TASP1: variants seen among roughly 807,000 people sequenced by gnomAD.
TASP1 encodes the protein taspase 1, also known as threonine aspartase 1.
Under a neutral mutation model 56.6 loss-of-function variants are expected in TASP1, and 16 were observed. The observed-to-expected ratio is 0.28, with a 90% CI of 0.19 to 0.43. The LOEUF (loss-of-function observed/expected upper bound fraction) is 0.43, where lower values mean the gene tolerates loss of function less well. Among genes scored for constraint, TASP1 ranks in the 20% least tolerant of loss-of-function variants. The pLI is 1.00. For synonymous variants in TASP1, 179 were observed against 184.2 expected (o/e 0.97, Z 0.23); for missense variants, 393 against 511.6 (o/e 0.77, Z 2.24).
At chr20:13,237,830 G>A in the TASP1 span, 1 of 152,226 alleles carries the variant, frequency 6.6e-6, no homozygotes, top group African/African-American at 2.4e-5. Flanking sequence ...GCTCCCTGAT[G>A]TGCGTACTAT....
At chr20:13,585,009 GA>G (rs200001923) in intron 5 of TASP1, among the ~76,000 whole-genome samples, 11 of 151,582 alleles carry the variant, frequency 7.3e-5, no homozygotes, top group South Asian at 2.1e-4. Flanking sequence ...AAGAATGGGG[GA>G]AAAAAAAGTA....
the TASP1 span, among the ~76,000 whole-genome samples, chr20:13,336,790 TA>T: frequency 3.9e-5 from 6 of 152,094 alleles, no homozygotes; most frequent in Admixed American, 2.0e-4. Flanking sequence ...TGAGTATCAC[TA>T]AAGATAAAAA....
chr20:13,253,218 T>G, the TASP1 span, among the ~76,000 whole-genome samples: 2 of 152,156 alleles, frequency 1.3e-5, no homozygotes, highest in African/African-American at 4.8e-5. Context: ...TTTTTGATCT[T>G]CTCACCCTGC....
chr20:13,411,103 C>T (rs1267801076), intron 13 of TASP1, among the ~76,000 whole-genome samples: 2 of 152,082 alleles, frequency 1.3e-5, no homozygotes, highest in South Asian at 2.1e-4. Flanking sequence ...CCCCAATGTA[C>T]GTTCTTAGAG....
chr20:13,563,812 A>C (rs2046428276), intron 7 of TASP1, among the ~76,000 whole-genome samples: 1 of 152,100 alleles, frequency 6.6e-6, no homozygotes, highest in Admixed American at 6.5e-5. Flanking sequence ...GCATGATCAT[A>C]AATTGATGCA....
the TASP1 span, among the ~76,000 whole-genome samples, chr20:13,133,292 C>T: frequency 6.6e-6 from 1 of 152,292 alleles, no homozygotes; most frequent in Non-Finnish European, 1.5e-5. Context: ...GCATGACATG[C>T]TTGCTGCATT....
At chr20:13,370,116 G>A in the TASP1 span, among the ~76,000 whole-genome samples, 1 of 152,084 alleles carries the variant, frequency 6.6e-6, no homozygotes, top group Non-Finnish European at 1.5e-5. Flanking sequence ...TCAACACAAA[G>A]ATAAGAGAAT....
At chr20:13,550,092 T>C (rs1401779142) in intron 8 of TASP1, among the ~76,000 whole-genome samples, 3 of 151,592 alleles carry the variant, frequency 2.0e-5, no homozygotes, top group Admixed American at 6.6e-5. Flanking sequence ...CTCCTAGGTA[T>C]TGAATCTTTA....
chr20:13,230,997 G>A, the TASP1 span, among the ~76,000 whole-genome samples: 1 of 152,160 alleles, frequency 6.6e-6, no homozygotes, highest in African/African-American at 2.4e-5. Flanking sequence ...ACTTGATAAT[G>A]TACCCTTCTG....
chr20:13,152,851 A>T, the TASP1 span, among the ~76,000 whole-genome samples: 1 of 152,162 alleles, frequency 6.6e-6, no homozygotes, highest in Non-Finnish European at 1.5e-5. Context: ...TTTCTCTAAG[A>T]AGGGACCAGA....
chr20:13,618,522 T>C (rs2048601799), intron 4 of TASP1, among the ~76,000 whole-genome samples: 1 of 152,082 alleles, frequency 6.6e-6, no homozygotes, highest in Admixed American at 6.5e-5. Flanking sequence ...CATACCAAAA[T>C]ATCAGTCACC....
At chr20:13,539,966 C>T (rs1379307918) in intron 8 of TASP1, among the ~76,000 whole-genome samples, 1 of 92,546 alleles carries the variant, frequency 1.1e-5, no homozygotes, top group East Asian at 2.9e-4. Context: ...AGAGATCACA[C>T]GAATACTCAT....
At chr20:13,152,240 T>G in the TASP1 span, among the ~76,000 whole-genome samples, 1 of 152,190 alleles carries the variant, frequency 6.6e-6, no homozygotes, top group Non-Finnish European at 1.5e-5. Flanking sequence ...CTAATTTGGT[T>G]GTTGTGATGA....
chr20:13,550,726 T>TC lies in TASP1; in HGVS notation c.675+8281dup, dbSNP rs1051119094. Among the ~76,000 whole-genome samples, 27 of 152,116 alleles carry TC rather than the reference T, an allele frequency of 1.8e-4. No individual in the cohort carries two copies. In the East Asian group the frequency reaches 5.0e-3, roughly 28 times the overall value. On this transcript the variant is annotated intron_variant, in intron 8 of 13. Coordinates refer to ENST00000337743, the MANE Select transcript of TASP1 (RefSeq NM_017714.3). ...TCCTGCACTCTTAATACTCTAAGAG[T>TC]CCCTTCCAGTCACATCCAGGGCTGG...
intron 12 of TASP1, among the ~76,000 whole-genome samples, chr20:13,433,706 A>T (rs978794762): frequency 1.3e-5 from 2 of 152,024 alleles, no homozygotes; most frequent in African/African-American, 4.8e-5. Flanking sequence ...TTTATAAACT[A>T]TGAAGGGACG....
intron 8 of TASP1, among the ~76,000 whole-genome samples, chr20:13,544,860 C>G (rs1022393842): frequency 1.3e-5 from 2 of 152,126 alleles, no homozygotes; most frequent in Admixed American, 1.3e-4. Context: ...TGGGGAGTAA[C>G]AGATAAAGGA....
chr20:13,471,015 CTT>C (rs375029359), intron 11 of TASP1, among the ~76,000 whole-genome samples: 5 of 152,268 alleles, frequency 3.3e-5, no homozygotes, highest in African/African-American at 1.2e-4. Flanking sequence ...AAAGGATACT[CTT>C]TTTCTAGCAA....
chr20:13,296,196 C>T, the TASP1 span, among the ~76,000 whole-genome samples: 1 of 152,140 alleles, frequency 6.6e-6, no homozygotes, highest in East Asian at 1.9e-4. Flanking sequence ...ACATTTCCTC[C>T]ACCCATAGCA....
chr20:13,416,262 G>A (rs1250668180), intron 13 of TASP1, among the ~76,000 whole-genome samples: 2 of 152,052 alleles, frequency 1.3e-5, no homozygotes, highest in African/African-American at 2.4e-5. Context: ...CTTTAAAATG[G>A]ACAATTATAT....
Sources: gnomAD v4.1 joint callset for allele counts (sites outside exome capture counted in the v4.1 genomes callset) on GRCh38, gnomAD v4.1.1 for gene constraint, MANE v1.5 for transcripts, NCBI Gene and HGNC (gene_info 2026-07-23, HGNC 2026-07-21) for gene names.